The following MARCKS variants were observed in gnomAD, a reference collection of about 807,000 sequenced individuals.
The protein encoded by MARCKS is myristoylated alanine rich protein kinase C substrate.
A neutral mutation model predicts 6.3 loss-of-function variants in MARCKS; 4 were observed. The observed-to-expected ratio is 0.63, with a 90% CI of 0.31 to 1.45. The LOEUF is 1.45. Among genes scored for constraint, MARCKS ranks in the 40% most tolerant of loss-of-function variants. MARCKS has a pLI of 0.07. For synonymous variants in MARCKS, 289 were observed against 236.5 expected (o/e 1.22, Z -2.04); for missense variants, 636 against 485.7 (o/e 1.31, Z -2.91).
In MARCKS at chr6:113,860,230, C is replaced by A; in HGVS notation, c.650C>A (p.Ala217Glu). 1 of 1,075,442 alleles carries A rather than the reference C, an allele frequency of 9.3e-7. No homozygotes were observed. The highest frequency in any genetic ancestry group is 3.8e-5 in the South Asian group (1 of 26,558). The allele number at this position is 1,075,442 out of a possible 1,614,324, so 66.6% of individuals were successfully genotyped here. A position where few individuals can be genotyped will look rare whatever the true frequency, so the allele number is the denominator to read the frequency against. The change falls in exon 2 of 2, where the codon GCG becomes GAG. Residue 217 changes from alanine to glutamate, a missense_variant. Physicochemically the swap from Ala to Glu is moderately radical, Grantham distance 107. Coordinates refer to ENST00000612661, the MANE Select transcript of MARCKS (RefSeq NM_002356.7). The part of the protein sequence containing the change: ...AGAASGEQAA[A>E]PGEEAAAGEE... The stretch of plus-strand genomic sequence containing the variant: ...GCGGCCTCCGGGGAGCAGGCAGCGG[C>A]GCCGGGCGAGGAGGCGGCAGCGGGC...
chr6:113,857,659 G>C lies in MARCKS; in HGVS notation c.-87G>C. 1.1e-6 allele frequency: 1 copy of C among 945,626 alleles called. No homozygotes were observed. Among genetic ancestry groups the C allele is most frequent in the Non-Finnish European group, 1.6e-6 (1 of 642,250 alleles). The allele number at this position is 945,626 out of a possible 1,614,324, so 58.6% of individuals were successfully genotyped here. A position where few individuals can be genotyped will look rare whatever the true frequency, so the allele number is the denominator to read the frequency against. The stretch of plus-strand genomic sequence containing the variant: ...TGCCGCTGTTGCCGCCGCCGCTGCT[G>C]CTGCTGCTCGCCCCGTCGTTACACC... On this transcript the variant is annotated 5_prime_UTR_variant, in exon 1 of 2. Coordinates refer to ENST00000612661, the MANE Select transcript of MARCKS (RefSeq NM_002356.7).
rs764652897 is a variant in MARCKS, at chr6:113,860,557, C to T, written c.977C>T (p.Pro326Leu). 2 of 1,558,478 alleles carry T rather than the reference C, an allele frequency of 1.3e-6. No individual in the cohort carries two copies. Among genetic ancestry groups the T allele is most frequent in the Admixed American group, 2.0e-5 (1 of 50,770 alleles). The change falls in exon 2 of 2, where the codon CCC becomes CTC. Residue 326 changes from proline (P) to leucine (L), a missense_variant. Transcript: ENST00000612661. The part of the protein sequence containing the change: ...EAQPECSPEA[P>L]PAEAAE The stretch of plus-strand genomic sequence containing the variant: ...CAGCCCGAGTGCAGTCCAGAAGCCC[C>T]CCCAGCGGAGGCGGCAGAGTAAAAG...
rs1259481143 is a variant in MARCKS, at chr6:113,860,100, AACAAGAAGG to A, written c.522_530del (p.Asn174_Glu177delinsLys). The A allele has an allele frequency of 2.6e-6, 4 of 1,562,670 alleles. No homozygotes were observed. In the African/African-American group the frequency reaches 5.6e-5, roughly 22 times the overall value. Reference sequence around the variant, plus strand: ...GCTGAGCGGCTTCTCCTTCAAGAAGAACAAGAAGGAGGCTGGAGAAGGCGGTGAGGCTGA... The same window carrying A: ...GCTGAGCGGCTTCTCCTTCAAGAAGAAGGCTGGAGAAGGCGGTGAGGCTGA... On this transcript the variant is annotated inframe_deletion, in exon 2 of 2. Coordinates refer to ENST00000612661, the MANE Select transcript of MARCKS (RefSeq NM_002356.7).
chr6:113,860,564 G>A lies in MARCKS; in HGVS notation c.984G>A (p.Ala328=). The A allele has an allele frequency of 6.4e-7, 1 of 1,556,364 alleles. No individual in the cohort carries two copies. Among genetic ancestry groups the A allele is most frequent in the Non-Finnish European group, 8.7e-7 (1 of 1,155,968 alleles). ...AGTGCAGTCCAGAAGCCCCCCCAGC[G>A]GAGGCGGCAGAGTAAAAGAGCAAGC... The part of the protein sequence containing the change: ...QPECSPEAPP[A]EAAE The change falls in exon 2 of 2, where the codon GCG becomes GCA. Residue 328 remains alanine, a synonymous_variant. Transcript: ENST00000612661.
rs781053269 is a variant in MARCKS at position 113,857,680 on chromosome 6, A to G, written c.-66A>G. On this transcript the variant is annotated 5_prime_UTR_variant, in exon 1 of 2. Coordinates refer to ENST00000612661, the MANE Select transcript of MARCKS (RefSeq NM_002356.7). The stretch of plus-strand genomic sequence containing the variant: ...TGCTGCTGCTGCTCGCCCCGTCGTT[A>G]CACCAACCCGAGGCTCTTTGTTTCC... The G allele has an allele frequency of 1.1e-4, 126 of 1,160,126 alleles. No individual in the cohort carries two copies. Among genetic ancestry groups the G allele is most frequent in the Non-Finnish European group, 1.4e-4 (120 of 860,432 alleles). 71.9% of individuals were successfully genotyped at this position (1,160,126 alleles called of 1,614,324 possible).
rs1257368551 is a variant in MARCKS, at chr6:113,859,672, C to G, written c.103-11C>G. 1 of 1,486,718 alleles carries G rather than the reference C, an allele frequency of 6.7e-7. No homozygotes were observed. The highest frequency in any genetic ancestry group is 8.9e-7 in the Non-Finnish European group (1 of 1,118,996). The allele number at this position is 1,486,718 out of a possible 1,614,324, so 92.1% of individuals were successfully genotyped here. On this transcript the variant is annotated splice_polypyrimidine_tract_variant and intron_variant, in intron 1 of 1. Coordinates refer to ENST00000612661, the MANE Select transcript of MARCKS (RefSeq NM_002356.7). ...CGCTTCAGTGACGCTCCCGCTTTCTCTGCCCCTTAGGAGAATGGCCACGTG... is the reference window on the plus strand; with the variant it reads ...CGCTTCAGTGACGCTCCCGCTTTCTGTGCCCCTTAGGAGAATGGCCACGTG...
chr6:113,859,209 A>AT (rs1004642396), intron 1 of MARCKS, among the ~76,000 whole-genome samples: 16 of 152,252 alleles, frequency 1.1e-4, no homozygotes, highest in African/African-American at 2.4e-4. Flanking sequence ...AATTCCTGGT[A>AT]TTTTGAAGAG....
intron 1 of MARCKS, among the ~76,000 whole-genome samples, chr6:113,858,773 G>A (rs1262889304): frequency 1.3e-5 from 2 of 152,246 alleles, no homozygotes; most frequent in Non-Finnish European, 1.5e-5. Flanking sequence ...ACCTACTGGG[G>A]AAAGCGAGGT....
Position 113,860,754 on chromosome 6 carries a change from C to A in MARCKS, c.*175C>A. ...AATTTTGTTGTTTTTTTTTTTTCTC[C>A]CCTCCCCACAGATCCCATCTCAAAT... On this transcript the variant is annotated 3_prime_UTR_variant, in exon 2 of 2. Coordinates refer to ENST00000612661, the MANE Select transcript of MARCKS (RefSeq NM_002356.7). 2.6e-6 allele frequency: 1 copy of A among 382,676 alleles called. No individual in the cohort carries two copies. Among genetic ancestry groups the A allele is most frequent in the Middle Eastern group, 5.7e-4 (1 of 1,760 alleles). 23.7% of individuals were successfully genotyped at this position (382,676 alleles called of 1,614,324 possible).
In MARCKS at chr6:113,862,926, T is replaced by C. The variant is rs1164333181; in HGVS notation, c.*2347T>C. 1.3e-5 allele frequency: 2 copies of C among 152,198 alleles called. No homozygotes were observed. Among genetic ancestry groups the C allele is most frequent in the Non-Finnish European group, 2.9e-5 (2 of 68,004 alleles). 9.4% of individuals were successfully genotyped at this position (152,198 alleles called of 1,614,324 possible). On this transcript the variant is annotated 3_prime_UTR_variant, in exon 2 of 2. Transcript: ENST00000612661. Reference sequence around the variant, plus strand: ...ATTTGGTAACCAAAGGACTGATTTATGGGTCTTTCCTATCTTAACCAACGT... The same window carrying C: ...ATTTGGTAACCAAAGGACTGATTTACGGGTCTTTCCTATCTTAACCAACGT...
chr6:113,862,285 G>T lies in MARCKS; in HGVS notation c.*1706G>T, dbSNP rs1774911948. 1 of 152,026 alleles carries T rather than the reference G, an allele frequency of 6.6e-6. No homozygotes were observed. The allele number at this position is 152,026 out of a possible 1,614,324, so 9.4% of individuals were successfully genotyped here. A position where few individuals can be genotyped will look rare whatever the true frequency, so the allele number is the denominator to read the frequency against. ...TGGTGTATTACCTGCTATTGTAATT[G>T]CTTAGTGCTTGGCTAATTTCCAAAT... On this transcript the variant is annotated 3_prime_UTR_variant, in exon 2 of 2. Transcript: ENST00000612661.
At position 113,860,746 on chromosome 6, in the gene MARCKS, T is replaced by G; in HGVS notation, c.*167T>G. 1 of 420,470 alleles carries G rather than the reference T, an allele frequency of 2.4e-6. No homozygotes were observed. Among genetic ancestry groups the G allele is most frequent in the Non-Finnish European group, 4.2e-6 (1 of 238,216 alleles). The allele number at this position is 420,470 out of a possible 1,614,324, so 26.0% of individuals were successfully genotyped here. On this transcript the variant is annotated 3_prime_UTR_variant, in exon 2 of 2. Transcript: ENST00000612661. Reference sequence around the variant, plus strand: ...AAGCACCAAATTTTGTTGTTTTTTTTTTTTCTCCCCTCCCCACAGATCCCA... The same window carrying G: ...AAGCACCAAATTTTGTTGTTTTTTTGTTTTCTCCCCTCCCCACAGATCCCA...
In MARCKS at chr6:113,860,538, G is replaced by T; in HGVS notation, c.958G>T (p.Glu320Ter). The change falls in exon 2 of 2, where the codon GAG (glutamate) becomes TAG (stop). Residue 320 changes from glutamate to a stop codon, truncating the protein, a stop_gained. Transcript: ENST00000612661. LOFTEE classifies it high-confidence loss of function. ...CAAPSQEAQPECSPEAPPAEA... is the reference protein window; with the variant it reads ...CAAPSQEAQP ...AGCCCCCTCACAGGAGGCCCAGCCC[G>T]AGTGCAGTCCAGAAGCCCCCCCAGC... is the stretch of plus-strand genomic sequence containing the variant. The T allele has an allele frequency of 3.2e-6, 5 of 1,561,060 alleles. No individual in the cohort carries two copies. Among genetic ancestry groups the T allele is most frequent in the Non-Finnish European group, 4.3e-6 (5 of 1,157,772 alleles).
rs1314357151 is a variant in MARCKS at position 113,860,839 on chromosome 6, CTTGT to C, written c.*263_*266del. 1.6e-5 allele frequency: 4 copies of C among 248,910 alleles called. No individual in the cohort carries two copies. The highest frequency in any genetic ancestry group is 7.1e-5 in the East Asian group (1 of 14,076). 15.4% of individuals were successfully genotyped at this position (248,910 alleles called of 1,614,324 possible). On this transcript the variant is annotated 3_prime_UTR_variant, in exon 2 of 2. Coordinates refer to ENST00000612661, the MANE Select transcript of MARCKS (RefSeq NM_002356.7). ...GAGCTTAAACACCTTCTTCCTCTGC[CTTGT>C]TTCTCTTTTATTTTTTATTTTTTCG...
intron 1 of MARCKS, among the ~76,000 whole-genome samples, chr6:113,858,438 C>T (rs1774821897): frequency 6.6e-6 from 1 of 152,174 alleles, no homozygotes; most frequent in African/African-American, 2.4e-5. Context: ...TTCCCACTGT[C>T]CTAAATCTTT....
Position 113,860,647 on chromosome 6 carries a change from G to C in MARCKS, c.*68G>C, listed in dbSNP as rs559763616. On this transcript the variant is annotated 3_prime_UTR_variant, in exon 2 of 2. Transcript: ENST00000612661. ...CGTTTGTTTGTTGGAGTGGTGCCAGGTACTGGTTTTGGAGAACTTGTCTAC... is the reference window on the plus strand; with the variant it reads ...CGTTTGTTTGTTGGAGTGGTGCCAGCTACTGGTTTTGGAGAACTTGTCTAC... 1.7e-6 allele frequency: 2 copies of C among 1,205,332 alleles called. No homozygotes were observed. The highest frequency in any genetic ancestry group is 6.1e-5 in the Admixed American group (2 of 32,726). 74.7% of individuals were successfully genotyped at this position (1,205,332 alleles called of 1,614,324 possible).
chr6:113,859,626 C>A, intron 1 of MARCKS, 57 bp from the exon 2 acceptor site: 15 of 1,395,844 alleles, frequency 1.1e-5, no homozygotes, highest in Non-Finnish European at 1.4e-5. Context: ...GGGCTGGGGG[C>A]GGGAATGGCG....
intron 1 of MARCKS, among the ~76,000 whole-genome samples, chr6:113,859,448 T>C (rs1325098539): frequency 6.6e-6 from 1 of 152,108 alleles, no homozygotes; most frequent in Non-Finnish European, 1.5e-5. Context: ...ATTGCCGTAC[T>C]TGGGGGCTAC....
At chr6:113,858,890 C>G (rs951258406) in intron 1 of MARCKS, among the ~76,000 whole-genome samples, 2 of 152,248 alleles carry the variant, frequency 1.3e-5, no homozygotes, top group East Asian at 3.9e-4. Flanking sequence ...GAGGCGAGAC[C>G]TCAGAAATAA....
Sources: gnomAD v4.1 joint callset for allele counts (sites outside exome capture counted in the v4.1 genomes callset) on GRCh38, gnomAD v4.1.1 for gene constraint, MANE v1.5 for transcripts, NCBI Gene and HGNC (gene_info 2026-07-23, HGNC 2026-07-21) for gene names.